TENM3: variants seen among roughly 807,000 people sequenced by gnomAD.
TENM3 encodes the protein teneurin-3.
Under a neutral mutation model 255.1 loss-of-function variants are expected in TENM3, and 63 were observed. The observed-to-expected ratio is 0.25, with a 90% CI of 0.20 to 0.30. The LOEUF is 0.30. TENM3 is among the 10% of genes least tolerant of loss of function. The pLI, the probability that TENM3 is intolerant of heterozygous loss-of-function variation, is 1.00. For synonymous variants in TENM3, 1,306 were observed against 1,322.3 expected (o/e 0.99, Z 0.27); for missense variants, 2,929 against 3,461.1 (o/e 0.85, Z 3.86).
chr4:182,491,394 T>TGTGTGTGA (rs1721867190), intron 3 of TENM3, among the ~76,000 whole-genome samples: 2 of 151,972 alleles, frequency 1.3e-5, no homozygotes, highest in African/African-American at 4.8e-5. Context: ...AATTTATGTG[T>TGTGTGTGA]GTGTGTGTGT....
Position 182,714,046 on chromosome 4 carries a change from A to G in TENM3, c.2222-41A>G, listed in dbSNP as rs769557085. Reference sequence around the variant, plus strand: ...CTGTTTATTTTAGGTGCAAAAACTCAATACTCAAATCACTGGTGTTTTCCT... The same window carrying G: ...CTGTTTATTTTAGGTGCAAAAACTCGATACTCAAATCACTGGTGTTTTCCT... On this transcript the variant is annotated intron_variant, in intron 12 of 27. Coordinates refer to ENST00000511685, the MANE Select transcript of TENM3 (RefSeq NM_001080477.4). 6 of 1,594,570 alleles carry G rather than the reference A, an allele frequency of 3.8e-6. No homozygotes were observed. In the East Asian group the frequency reaches 1.1e-4, roughly 30 times the overall value.
At chr4:182,514,050 GCTT>G (rs1304634487) in intron 3 of TENM3, among the ~76,000 whole-genome samples, 6 of 152,214 alleles carry the variant, frequency 3.9e-5, no homozygotes, top group African/African-American at 1.4e-4. Flanking sequence ...CAACCCTGAT[GCTT>G]CTTTTTGTGG....
At chr4:181,512,270 A>G in the TENM3 span, among the ~76,000 whole-genome samples, 4 of 152,118 alleles carry the variant, frequency 2.6e-5, no homozygotes, top group African/African-American at 9.7e-5. Flanking sequence ...CTGTCTCCTA[A>G]CATTTCTCTT....
chr4:182,294,688 G>T (rs149861035), intron 1 of TENM3, among the ~76,000 whole-genome samples: 1 of 152,296 alleles, frequency 6.6e-6, no homozygotes, highest in Non-Finnish European at 1.5e-5. Context: ...ACCAAAAGCT[G>T]CTGTACTACT....
At chr4:181,756,816 C>G in the TENM3 span, among the ~76,000 whole-genome samples, 4 of 152,224 alleles carry the variant, frequency 2.6e-5, no homozygotes, top group Non-Finnish European at 4.4e-5. Flanking sequence ...CTCAGGACTG[C>G]CTAGCTCCTT....
chr4:181,982,127 A>G, the TENM3 span, among the ~76,000 whole-genome samples: 1 of 152,146 alleles, frequency 6.6e-6, no homozygotes, highest in East Asian at 1.9e-4. Context: ...AGAAGAGAAA[A>G]CAATGTGAAA....
At chr4:181,645,024 C>G in the TENM3 span, among the ~76,000 whole-genome samples, 2 of 152,178 alleles carry the variant, frequency 1.3e-5, no homozygotes, top group Admixed American at 6.5e-5. Flanking sequence ...AATTAATATT[C>G]TAAGCACCTT....
At chr4:182,097,657 G>A in the TENM3 span, among the ~76,000 whole-genome samples, 13 of 152,266 alleles carry the variant, frequency 8.5e-5, no homozygotes, top group African/African-American at 3.1e-4. Flanking sequence ...GGGTCACCCT[G>A]GCATAGGCTG....
chr4:181,619,916 T>C, the TENM3 span, among the ~76,000 whole-genome samples: 3 of 152,210 alleles, frequency 2.0e-5, no homozygotes, highest in African/African-American at 7.2e-5. Flanking sequence ...AATGAAACTT[T>C]AGGCATTTGA....
At chr4:181,584,071 G>C in the TENM3 span, among the ~76,000 whole-genome samples, 30 of 152,232 alleles carry the variant, frequency 2.0e-4, no homozygotes, top group Non-Finnish European at 4.0e-4. Context: ...TATTTCTCCA[G>C]CACCAAGCAT....
intron 3 of TENM3, among the ~76,000 whole-genome samples, chr4:182,552,812 T>C (rs145912390): frequency 1.1e-3 from 172 of 152,338 alleles, no homozygotes; most frequent in African/African-American, 3.9e-3. Context: ...TCTTAATGAA[T>C]GTAGTCCTGA....
At chr4:182,169,609 G>GTGAC in intron 1 of TENM3, among the ~76,000 whole-genome samples, 1 of 152,200 alleles carries the variant, frequency 6.6e-6, no homozygotes, top group African/African-American at 2.4e-5. Flanking sequence ...TGAGAAACGT[G>GTGAC]TGACTCTTGA....
chr4:182,412,152 G>C (rs1319389069), intron 3 of TENM3, among the ~76,000 whole-genome samples: 1 of 152,106 alleles, frequency 6.6e-6, no homozygotes, highest in Admixed American at 6.5e-5. Context: ...TAGAAAGCTG[G>C]GTATCTGGGG....
chr4:181,582,718 C>T, the TENM3 span, among the ~76,000 whole-genome samples: 2 of 150,322 alleles, frequency 1.3e-5, no homozygotes, highest in East Asian at 2.0e-4. Flanking sequence ...AACTCCTTTG[C>T]GGTTAGTGAG....
chr4:182,672,986 G>C lies in TENM3; in HGVS notation c.1112-19G>C. The C allele has an allele frequency of 1.0e-5, 16 of 1,524,616 alleles. No homozygotes were observed. Among genetic ancestry groups the C allele is most frequent in the Non-Finnish European group, 1.4e-5 (16 of 1,120,350 alleles). 94.4% of individuals were successfully genotyped at this position (1,524,616 alleles called of 1,614,324 possible). On this transcript the variant is annotated intron_variant, in intron 6 of 27. Coordinates refer to ENST00000511685, the MANE Select transcript of TENM3 (RefSeq NM_001080477.4). ...TTTAAAAAAAATTTGTTCTTCATCA[G>C]TGCATCTCTTACATTCAGGAAAATT...
At chr4:182,689,758 A>C (rs9990730) in intron 12 of TENM3, among the ~76,000 whole-genome samples, 124,326 of 152,224 alleles carry the variant, frequency 0.82, 50,825 homozygotes, top group East Asian at 0.91. Flanking sequence ...CAAACTTGTC[A>C]AACCTGAGGC....
intron 23 of TENM3, 56 bp from the exon 24 acceptor site, chr4:182,774,862 G>A (rs1372042382): frequency 1.1e-5 from 14 of 1,298,340 alleles, no homozygotes; most frequent in South Asian, 3.9e-5. Context: ...CGGCACAACC[G>A]GCCAAGTATT....
At chr4:181,600,449 A>G in the TENM3 span, among the ~76,000 whole-genome samples, 1 of 152,126 alleles carries the variant, frequency 6.6e-6, no homozygotes, top group Non-Finnish European at 1.5e-5. Context: ...GGCACTTTTG[A>G]GAGAAGACTG....
the TENM3 span, among the ~76,000 whole-genome samples, chr4:181,887,665 G>A: frequency 2.6e-4 from 39 of 152,292 alleles, no homozygotes; most frequent in African/African-American, 9.4e-4. Flanking sequence ...TCGTATCTGA[G>A]AACAGTGTCT....
Sources: allele counts gnomAD v4.1 joint callset (sites outside exome capture counted in the v4.1 genomes callset), GRCh38; gene constraint gnomAD v4.1.1; transcripts MANE v1.5; gene names NCBI Gene and HGNC (gene_info 2026-07-23, HGNC 2026-07-21).